Variants in SV2B observed in about 807,000 individuals in gnomAD.
The protein encoded by SV2B is synaptic vesicle glycoprotein 2B.
SV2B carries 41 observed loss-of-function variants against 73.9 expected under a neutral mutation model. The ratio of observed to expected loss-of-function variants is 0.56; its 90% CI spans 0.43 to 0.72. SV2B has a LOEUF of 0.72. Among genes scored for constraint, SV2B ranks in the 30% least tolerant of loss-of-function variants. The probability of loss-of-function intolerance (pLI) is 0.00; values close to 1 mark genes in which losing one functional copy is unlikely to be tolerated. For synonymous variants in SV2B, 314 were observed against 314.2 expected (o/e 1.00, Z 0.01); for missense variants, 764 against 857.8 (o/e 0.89, Z 1.37).
In SV2B at chr15:91,229,451, CG is replaced by C; in HGVS notation, c.451+2740del. 6.6e-6 allele frequency among the ~76,000 whole-genome samples: 1 copy of C among 152,142 alleles called. No homozygotes were observed. Among genetic ancestry groups the C allele is most frequent in the Non-Finnish European group, 1.5e-5 (1 of 68,026 alleles). On this transcript the variant is annotated intron_variant, in intron 2 of 12. Coordinates refer to ENST00000394232, the MANE Select transcript of SV2B (RefSeq NM_001323032.3). This position sits in a 1 kb window ranked among gnomAD's most constrained non-coding sequence, Gnocchi z 4.3. ...ACTTTATATTCTGCCATTCTCCCAT[CG>C]GGCATTTGCAGTGAACTATAGCTGC...
chr15:91,142,527 A>G (rs1189428527), intron 1 of SV2B, among the ~76,000 whole-genome samples: 1 of 152,244 alleles, frequency 6.6e-6, no homozygotes, highest in Non-Finnish European at 1.5e-5. Flanking sequence ...CTAGATCAGG[A>G]GATATTTAAG....
upstream of SV2B, chr15:91,099,809 C>G (rs1474862569): frequency 6.6e-6 from 1 of 152,210 alleles, no homozygotes; most frequent in African/African-American, 2.4e-5. Flanking sequence ...GAACTTGCGT[C>G]TAGTCCTCTG....
At chr15:91,189,867 A>G (rs2141346609) in intron 1 of SV2B, among the ~76,000 whole-genome samples, 1 of 152,214 alleles carries the variant, frequency 6.6e-6, no homozygotes, top group East Asian at 1.9e-4. Context: ...GGGCGCCTGT[A>G]GTTCCAGCTA....
At position 91,296,826 on chromosome 15, in the gene SV2B, C is replaced by T; in HGVS notation, c.*4274C>T. 1 of 141,846 alleles carries T rather than the reference C, an allele frequency of 7.0e-6. No individual in the cohort carries two copies. Among genetic ancestry groups the T allele is most frequent in the Non-Finnish European group, 1.5e-5 (1 of 66,854 alleles). 8.8% of individuals were successfully genotyped at this position (141,846 alleles called of 1,614,324 possible). A position where few individuals can be genotyped will look rare whatever the true frequency, so the allele number is the denominator to read the frequency against. On this transcript the variant is annotated 3_prime_UTR_variant, in exon 13 of 13. Coordinates refer to ENST00000394232, the MANE Select transcript of SV2B (RefSeq NM_001323032.3). ...ACGCTCCTTCTGCCCGATCGCTGGG[C>T]TCACGCTCCTTCTGCCCGATCTTGG...
Position 91,294,385 on chromosome 15 carries a change from C to G in SV2B, c.*1833C>G, listed in dbSNP as rs1268907581. ...GTCAACCCTCACCTTTTTATTTACA[C>G]CCCTCCCTTTTTTTCTGTACAGGGA... On this transcript the variant is annotated 3_prime_UTR_variant, in exon 13 of 13. Coordinates refer to ENST00000394232, the MANE Select transcript of SV2B (RefSeq NM_001323032.3). The surrounding 1 kb of genome is among the most constrained non-coding windows in gnomAD (Gnocchi z 4.1). 1 of 152,120 alleles carries G rather than the reference C, an allele frequency of 6.6e-6. No homozygotes were observed. The highest frequency in any genetic ancestry group is 1.5e-5 in the Non-Finnish European group (1 of 68,018). The allele number at this position is 152,120 out of a possible 1,614,324, so 9.4% of individuals were successfully genotyped here.
intron 1 of SV2B, among the ~76,000 whole-genome samples, chr15:91,222,691 G>A (rs1158262954): frequency 1.3e-5 from 2 of 152,174 alleles, no homozygotes; most frequent in South Asian, 2.1e-4. Context: ...CTGTTTGAAC[G>A]TGGATTTCAA....
chr15:91,263,237 GACAA>G (rs750578657), intron 6 of SV2B, among the ~76,000 whole-genome samples: 41 of 146,702 alleles, frequency 2.8e-4, no homozygotes, highest in East Asian at 1.2e-3. Context: ...CACAGACAGA[GACAA>G]ACAGACACAG....
At chr15:91,120,846 A>T (rs975544752) in intron 1 of SV2B, among the ~76,000 whole-genome samples, 2 of 151,858 alleles carry the variant, frequency 1.3e-5, no homozygotes, top group African/African-American at 4.8e-5. Flanking sequence ...AGTAAAAGAA[A>T]CATTTCACTT....
chr15:91,289,530 T>C lies in SV2B; in HGVS notation c.1718T>C (p.Met573Thr), dbSNP rs779148028. The C allele has an allele frequency of 3.1e-6, 5 of 1,614,260 alleles. No individual in the cohort carries two copies. Among genetic ancestry groups the C allele is most frequent in the Admixed American group, 1.7e-5 (1 of 60,034 alleles). The change falls in exon 12 of 13, where the codon ATG becomes ACG. Residue 573 changes from methionine to threonine, a missense_variant. Coordinates refer to ENST00000394232, the MANE Select transcript of SV2B (RefSeq NM_001323032.3). The surrounding 1 kb of genome is among the most constrained non-coding windows in gnomAD (Gnocchi z 4.9). The stretch of plus-strand genomic sequence containing the variant: ...TGAACTCCCTCTGCAGGTGGCTCCA[T>C]GCTAATCTCTGCAGTCTGCTGCTTC... ...IGRLKMIGGS[M>T]LISAVCCFFL...
At chr15:91,269,919 C>G (rs1555494725) in intron 9 of SV2B, among the ~76,000 whole-genome samples, 2 of 152,142 alleles carry the variant, frequency 1.3e-5, no homozygotes, top group East Asian at 1.9e-4. Context: ...AGAGACAGTT[C>G]AGAGTCATTA....
intron 1 of SV2B, among the ~76,000 whole-genome samples, chr15:91,188,575 A>C (rs548390793): frequency 5.3e-4 from 80 of 152,256 alleles, no homozygotes; most frequent in African/African-American, 1.9e-3. Context: ...TCGGCCTCCC[A>C]AAGTGCTGGG....
At chr15:91,291,939 A>G (rs956572010) in intron 12 of SV2B, among the ~76,000 whole-genome samples, 1 of 152,174 alleles carries the variant, frequency 6.6e-6, no homozygotes, top group African/African-American at 2.4e-5. Context: ...ATTTGGGGAA[A>G]TGCTGTTTGT....
chr15:91,230,101 T>C (rs2046517902), intron 2 of SV2B, among the ~76,000 whole-genome samples: 1 of 151,900 alleles, frequency 6.6e-6, no homozygotes, highest in Admixed American at 6.6e-5. Context: ...ATTAGCCAGA[T>C]ATGGTGGTGC....
In SV2B at chr15:91,223,675, C is replaced by A. The variant is rs139242070; in HGVS notation, c.-391-2198C>A. Among the ~76,000 whole-genome samples the A allele has an allele frequency of 6.6e-6, 1 of 152,150 alleles. No individual in the cohort carries two copies. The highest frequency in any genetic ancestry group is 1.9e-4 in the East Asian group (1 of 5,196). On this transcript the variant is annotated intron_variant, in intron 1 of 12. Coordinates refer to ENST00000394232, the MANE Select transcript of SV2B (RefSeq NM_001323032.3). This position sits in a 1 kb window ranked among gnomAD's most constrained non-coding sequence, Gnocchi z 4.6. ...TGCTGTTTACATGTGACTTATATTCCGCCGGTGGTCCCTAAATAGATGTAA... is the reference window on the plus strand; with the variant it reads ...TGCTGTTTACATGTGACTTATATTCAGCCGGTGGTCCCTAAATAGATGTAA...
At position 91,200,043 on chromosome 15, in the gene SV2B, G is replaced by A. The variant is rs140523960; in HGVS notation, c.-391-25830G>A. ...GCTTAATACTTTCCATATTTATATA[G>A]CTAAGGTGCATTAAATGGTCCAGGA... On this transcript the variant is annotated intron_variant, in intron 1 of 12. Transcript: ENST00000394232. Among the ~76,000 whole-genome samples the A allele has an allele frequency of 2.5e-3, 386 of 152,312 alleles. 1 individual carries two copies. Among genetic ancestry groups the A allele is most frequent in the African/African-American group, 8.8e-3 (366 of 41,576 alleles).
Position 91,292,592 on chromosome 15 carries a change from C to G in SV2B, c.*40C>G. The G allele has an allele frequency of 1.3e-6, 2 of 1,586,858 alleles. No individual in the cohort carries two copies. The highest frequency in any genetic ancestry group is 1.7e-6 in the Non-Finnish European group (2 of 1,167,314). The stretch of plus-strand genomic sequence containing the variant: ...AAGGAAAGGTCGAGAGAATCTTGTC[C>G]AGGACACTGAAATGCATCCACACTT... On this transcript the variant is annotated 3_prime_UTR_variant, in exon 13 of 13. Coordinates refer to ENST00000394232, the MANE Select transcript of SV2B (RefSeq NM_001323032.3).
intron 9 of SV2B, among the ~76,000 whole-genome samples, chr15:91,270,843 G>GGATGGTGAATCTTGTGGATGATGGGA (rs1567417722): frequency 3.2e-5 from 3 of 92,866 alleles, no homozygotes; most frequent in African/African-American, 1.6e-4. Flanking sequence ...GGATGATGGG[G>GGATGGTGAATCTTGTGGATGATGGGA]GGACGGTGAA....
intron 11 of SV2B, among the ~76,000 whole-genome samples, chr15:91,286,208 TGGTAAAGACAAGGTGCTCA>T (rs2048855790): frequency 6.6e-6 from 1 of 152,154 alleles, no homozygotes; most frequent in African/African-American, 2.4e-5. Flanking sequence ...GGCAAGTGCA[TGGTAAAGACAAGGTGCTCA>T]GCTGATATCT....
At position 91,295,920 on chromosome 15, in the gene SV2B, A is replaced by G. The variant is rs974162099; in HGVS notation, c.*3368A>G. 1 of 152,196 alleles carries G rather than the reference A, an allele frequency of 6.6e-6. No homozygotes were observed. Among genetic ancestry groups the G allele is most frequent in the Non-Finnish European group, 1.5e-5 (1 of 68,038 alleles). The allele number at this position is 152,196 out of a possible 1,614,324, so 9.4% of individuals were successfully genotyped here. A position where few individuals can be genotyped will look rare whatever the true frequency, so the allele number is the denominator to read the frequency against. On this transcript the variant is annotated 3_prime_UTR_variant, in exon 13 of 13. Coordinates refer to ENST00000394232, the MANE Select transcript of SV2B (RefSeq NM_001323032.3). ...GCAGTGAGCGGATATTAAATTGGCC[A>G]TAAACACCGAGTACGATGACCTTAC...
Sources: gnomAD v4.1 joint callset for allele counts (sites outside exome capture counted in the v4.1 genomes callset) on GRCh38, gnomAD v4.1.1 for gene constraint, Gnocchi (gnomAD v3.1) non-coding constraint, MANE v1.5 for transcripts, NCBI Gene and HGNC (gene_info 2026-07-23, HGNC 2026-07-21) for gene names.